SNX29: variants seen among roughly 807,000 people sequenced by gnomAD.
SNX29 encodes the protein sorting nexin 29, also known as sorting nexin-29.
A neutral mutation model predicts 102.1 loss-of-function variants in SNX29; 78 were observed. The observed-to-expected ratio is 0.76, with a 90% confidence interval of 0.64 to 0.92. The LOEUF (loss-of-function observed/expected upper bound fraction) is 0.92, where lower values mean the gene tolerates loss of function less well. Among genes scored for constraint, SNX29 ranks in the 40% least tolerant of loss-of-function variants. SNX29 has a pLI of 0.00. For synonymous variants in SNX29, 580 were observed against 414.5 expected (o/e 1.40, Z -4.85); for missense variants, 1,280 against 1,061.7 (o/e 1.21, Z -2.86).
At chr16:12,341,211 A>G (rs943572070) in intron 15 of SNX29, among the ~76,000 whole-genome samples, 4 of 152,250 alleles carry the variant, frequency 2.6e-5, no homozygotes, top group African/African-American at 9.6e-5. Flanking sequence ...AGCAGACAGA[A>G]TACAAGTCTT....
intron 1 of SNX29, among the ~76,000 whole-genome samples, chr16:11,982,157 A>C (rs2055432167): frequency 6.6e-6 from 1 of 152,164 alleles, no homozygotes; most frequent in South Asian, 2.1e-4. Flanking sequence ...ACCTAAAAAG[A>C]TTATCAGGAA....
At chr16:12,444,863 A>G (rs2085977758) in intron 18 of SNX29, among the ~76,000 whole-genome samples, 2 of 133,890 alleles carry the variant, frequency 1.5e-5, no homozygotes. Flanking sequence ...TTTTTGAGAC[A>G]GAGTCTCACT....
At chr16:12,503,339 G>T (rs1868643134) in intron 19 of SNX29, among the ~76,000 whole-genome samples, 2 of 152,234 alleles carry the variant, frequency 1.3e-5, no homozygotes, top group African/African-American at 4.8e-5. Context: ...TGCTCCAGGT[G>T]CAGTCTAGGT....
chr16:12,247,479 C>G (rs928004935), intron 14 of SNX29, among the ~76,000 whole-genome samples: 9 of 152,220 alleles, frequency 5.9e-5, no homozygotes, highest in Non-Finnish European at 1.2e-4. Flanking sequence ...AGCAGCTCCT[C>G]TTCCAGATGA....
intron 13 of SNX29, among the ~76,000 whole-genome samples, chr16:12,146,573 A>G (rs2141550487): frequency 6.6e-6 from 1 of 152,278 alleles, no homozygotes; most frequent in East Asian, 1.9e-4. Context: ...GCCAAGAGAT[A>G]TGAATGTTTT....
At chr16:12,265,315 G>A (rs1424851554) in intron 14 of SNX29, among the ~76,000 whole-genome samples, 1 of 152,150 alleles carries the variant, frequency 6.6e-6, no homozygotes, top group East Asian at 1.9e-4. Flanking sequence ...CCTCTGCTGG[G>A]CTCCATCACA....
rs528999336 is a variant in SNX29, at chr16:12,131,603, G to A, written c.1595+1845G>A. Among the ~76,000 whole-genome samples the A allele has an allele frequency of 3.9e-5, 6 of 152,252 alleles. No individual in the cohort carries two copies. The South Asian group carries it at 6.2e-4, about 16-fold the overall frequency. On this transcript the variant is annotated intron_variant, in intron 13 of 20. Transcript: ENST00000566228. ...TGATGAATTTAATATGGTCAATTTA[G>A]CATTCAGGTTGTTTCCAGTTTGTCC...
intron 8 of SNX29, among the ~76,000 whole-genome samples, chr16:12,054,883 A>G (rs2151233539): frequency 6.6e-6 from 1 of 152,294 alleles, no homozygotes; most frequent in Non-Finnish European, 1.5e-5. Flanking sequence ...TTGGGTATTT[A>G]TGCTGATGGT....
intron 14 of SNX29, among the ~76,000 whole-genome samples, chr16:12,256,853 C>T (rs1438165162): frequency 6.6e-6 from 1 of 152,164 alleles, no homozygotes; most frequent in Non-Finnish European, 1.5e-5. Context: ...GTCTACTGGC[C>T]TCCTCCACTT....
intron 14 of SNX29, 22 bp from the exon 15 acceptor site, chr16:12,277,911 A>G (rs752279738): frequency 4.4e-6 from 7 of 1,577,800 alleles, no homozygotes; most frequent in Admixed American, 1.8e-5. Flanking sequence ...AATATTTATG[A>G]CATGTCTCTC....
At chr16:12,553,001 C>A (rs562547887) in intron 20 of SNX29, among the ~76,000 whole-genome samples, 1 of 152,224 alleles carries the variant, frequency 6.6e-6, no homozygotes, top group Admixed American at 6.5e-5. Context: ...GGGCTGAAAT[C>A]AGGAGAGTGG....
chr16:12,275,673 T>C (rs2079221726), intron 14 of SNX29, among the ~76,000 whole-genome samples: 1 of 128,734 alleles, frequency 7.8e-6, no homozygotes, highest in Non-Finnish European at 1.6e-5. Flanking sequence ...ATTTTGTTTT[T>C]TTTGTTTCCT....
intron 20 of SNX29, among the ~76,000 whole-genome samples, chr16:12,563,251 C>T (rs2078833504): frequency 6.6e-6 from 1 of 152,130 alleles, no homozygotes; most frequent in African/African-American, 2.4e-5. Flanking sequence ...ATCACTGACC[C>T]CGCCCAGGTA....
chr16:12,170,114 T>G (rs1422026052), intron 13 of SNX29, among the ~76,000 whole-genome samples: 1 of 152,074 alleles, frequency 6.6e-6, no homozygotes, highest in Admixed American at 6.6e-5. Context: ...TGCTCCTCCC[T>G]TCCCCGTTAT....
intron 19 of SNX29, among the ~76,000 whole-genome samples, chr16:12,483,767 G>A (rs375323725): frequency 6.6e-6 from 1 of 152,192 alleles, no homozygotes; most frequent in African/African-American, 2.4e-5. Flanking sequence ...ACAGTGCTGG[G>A]TTCCAGGCTG....
intron 16 of SNX29, among the ~76,000 whole-genome samples, chr16:12,385,281 C>A (rs533921954): frequency 8.5e-4 from 130 of 152,190 alleles, no homozygotes; most frequent in Non-Finnish European, 1.7e-3. Flanking sequence ...AAGAATAAAC[C>A]TTGACAGACC....
At chr16:12,091,036 AAAG>A (rs1282747830) in intron 11 of SNX29, among the ~76,000 whole-genome samples, 11 of 92,534 alleles carry the variant, frequency 1.2e-4, no homozygotes, top group African/African-American at 3.9e-4. Flanking sequence ...AAAAAAAAAA[AAAG>A]AAAGAAAAAG....
At chr16:12,558,843 C>T (rs893787433) in intron 20 of SNX29, among the ~76,000 whole-genome samples, 7 of 152,192 alleles carry the variant, frequency 4.6e-5, no homozygotes, top group Admixed American at 3.3e-4. Context: ...CACCAAGAGC[C>T]ACAAGAGGGC....
intron 15 of SNX29, among the ~76,000 whole-genome samples, chr16:12,345,923 T>C (rs893683115): frequency 6.6e-6 from 1 of 152,146 alleles, no homozygotes; most frequent in African/African-American, 2.4e-5. Flanking sequence ...GTGGACAGAA[T>C]AGTAGAATGC....
Sources: gnomAD v4.1 joint callset for allele counts (sites outside exome capture counted in the v4.1 genomes callset) on GRCh38, gnomAD v4.1.1 for gene constraint, MANE v1.5 for transcripts, NCBI Gene and HGNC (gene_info 2026-07-23, HGNC 2026-07-21) for gene names.